CEP170: variants seen among roughly 807,000 people sequenced by gnomAD.
The protein encoded by CEP170 is centrosomal protein of 170 kDa.
CEP170 carries 21 observed loss-of-function variants against 151.9 expected under a neutral mutation model. That is an observed-to-expected ratio of 0.14 (90% CI 0.10 to 0.20). The LOEUF is 0.20. Among genes scored for constraint, CEP170 ranks in the 10% least tolerant of loss-of-function variants. The probability of loss-of-function intolerance (pLI) is 1.00; values close to 1 mark genes in which losing one functional copy is unlikely to be tolerated. For synonymous variants in CEP170, 356 were observed against 648.8 expected (o/e 0.55, Z 6.86); for missense variants, 964 against 1,892.9 (o/e 0.51, Z 9.11).
At chr1:243,147,242 T>A (rs1296928274) in intron 14 of CEP170, among the ~76,000 whole-genome samples, 5 of 152,394 alleles carry the variant, frequency 3.3e-5, no homozygotes, top group Non-Finnish European at 5.9e-5. Context: ...CATTTTCCCC[T>A]GAAGCCTTTT....
chr1:243,147,667 A>G (rs1274383073), intron 14 of CEP170, among the ~76,000 whole-genome samples: 3 of 152,226 alleles, frequency 2.0e-5, no homozygotes, highest in Non-Finnish European at 4.4e-5. Flanking sequence ...GGATGACTGT[A>G]TCTTATACAG....
At chr1:243,141,015 C>T (rs1475972041) in intron 15 of CEP170, among the ~76,000 whole-genome samples, 1 of 152,032 alleles carries the variant, frequency 6.6e-6, no homozygotes, top group Non-Finnish European at 1.5e-5. Context: ...AAACTCTACA[C>T]AGATTGATGA....
intron 3 of CEP170, among the ~76,000 whole-genome samples, chr1:243,214,227 C>G (rs998632163): frequency 1.4e-5 from 2 of 146,938 alleles, no homozygotes; most frequent in Non-Finnish European, 1.5e-5. Context: ...GTGTTTTGCA[C>G]TTTATGGAGG....
At position 243,145,202 on chromosome 1, in the gene CEP170, A is replaced by G. The variant is rs538340782; in HGVS notation, c.3912-2739T>C. Among the ~76,000 whole-genome samples the G allele has an allele frequency of 2.6e-3, 389 of 152,364 alleles. 1 individual carries two copies. The highest frequency in any genetic ancestry group is 8.8e-3 in the African/African-American group (366 of 41,586). Reference sequence around the variant, plus strand: ...GATTATATATTATTACAACTATAGTAGAAACAAACTATCAGACTTCATTGA... The same window carrying G: ...GATTATATATTATTACAACTATAGTGGAAACAAACTATCAGACTTCATTGA... On this transcript the variant is annotated intron_variant, in intron 14 of 19. Coordinates refer to ENST00000366542, the MANE Select transcript of CEP170 (RefSeq NM_014812.3).
intron 7 of CEP170, 57 bp from the exon 8 acceptor site, chr1:243,191,551 G>A: frequency 7.1e-7 from 1 of 1,405,890 alleles, no homozygotes. Flanking sequence ...GCACTTGAGG[G>A]AGTCTGGTAA....
chr1:243,221,624 TAAAGAA>T lies in CEP170; in HGVS notation c.195+94_195+99del, dbSNP rs890900488. On this transcript the variant is annotated intron_variant, in intron 3 of 19. Transcript: ENST00000366542. ...AAGCATTTGAAAATAACATACAAAGTAAAGAAAAAGAAAATGTAGCTAGGAAATGTA... is the reference window on the plus strand; with the variant it reads ...AAGCATTTGAAAATAACATACAAAGTAAAGAAAATGTAGCTAGGAAATGTA... 74 of 1,219,892 alleles carry T rather than the reference TAAAGAA, an allele frequency of 6.1e-5. 1 individual carries two copies. In the African/African-American group the frequency reaches 9.1e-4, roughly 15 times the overall value. The allele number at this position is 1,219,892 out of a possible 1,614,324, so 75.6% of individuals were successfully genotyped here.
chr1:243,186,997 A>C (rs181388228), intron 8 of CEP170, among the ~76,000 whole-genome samples: 2 of 152,026 alleles, frequency 1.3e-5, no homozygotes, highest in African/African-American at 4.8e-5. Flanking sequence ...TTATTGCAAA[A>C]TTTTTTCCAC....
intron 1 of CEP170, among the ~76,000 whole-genome samples, chr1:243,242,942 C>G (rs1245875266): frequency 1.3e-5 from 2 of 151,950 alleles, no homozygotes; most frequent in Non-Finnish European, 2.9e-5. Flanking sequence ...TCCGGTGATT[C>G]ACCTGCCTCG....
intron 16 of CEP170, among the ~76,000 whole-genome samples, chr1:243,138,793 T>G (rs2055444437): frequency 6.6e-6 from 1 of 152,134 alleles, no homozygotes; most frequent in African/African-American, 2.4e-5. Context: ...TAACTTCTAC[T>G]GTCAATGGGA....
In CEP170 at chr1:243,156,372, G is replaced by A; in HGVS notation, c.3760C>T (p.His1254Tyr). Reference sequence around the variant, plus strand: ...GCTGGAGAAGTACGTAGACGGGTATGTTTAGGGGAATTACGGTTTGATCCA... The same window carrying A: ...GCTGGAGAAGTACGTAGACGGGTATATTTAGGGGAATTACGGTTTGATCCA... ...EFGSNRNSPK[H>Y]TRLRTSPALK... The change falls in exon 14 of 20, where the codon CAT (histidine) becomes TAT (tyrosine). Residue 1254 changes from histidine to tyrosine, a missense_variant. Physicochemically the swap from His to Tyr is moderately conservative, Grantham distance 83. Transcript: ENST00000366542. The A allele has an allele frequency of 6.4e-7, 1 of 1,569,672 alleles. No individual in the cohort carries two copies. Among genetic ancestry groups the A allele is most frequent in the Non-Finnish European group, 8.6e-7 (1 of 1,157,010 alleles).
At chr1:243,137,831 G>A (rs2055312014) in intron 16 of CEP170, among the ~76,000 whole-genome samples, 1 of 151,564 alleles carries the variant, frequency 6.6e-6, no homozygotes, top group Admixed American at 6.6e-5. Flanking sequence ...TTGATGAGTG[G>A]CATAAATAAG....
chr1:243,160,679 C>T (rs564809352), intron 13 of CEP170, among the ~76,000 whole-genome samples: 3 of 152,120 alleles, frequency 2.0e-5, no homozygotes, highest in Non-Finnish European at 4.4e-5. Context: ...TTACCACAAA[C>T]ATGTTTTGAA....
intron 10 of CEP170, among the ~76,000 whole-genome samples, chr1:243,176,262 C>T (rs1385815468): frequency 4.0e-5 from 6 of 151,884 alleles, no homozygotes; most frequent in East Asian, 3.9e-4. Flanking sequence ...GATGAGACAC[C>T]TAATTTTTAT....
At chr1:243,170,630 C>T (rs2058769646) in intron 11 of CEP170, among the ~76,000 whole-genome samples, 1 of 152,030 alleles carries the variant, frequency 6.6e-6, no homozygotes, top group Non-Finnish European at 1.5e-5. Context: ...CTCGTCTCTA[C>T]GAAAAACACA....
intron 14 of CEP170, among the ~76,000 whole-genome samples, chr1:243,152,774 G>A (rs1248865803): frequency 6.7e-5 from 10 of 148,384 alleles, no homozygotes; most frequent in East Asian, 4.1e-4. Flanking sequence ...CTCGTGATCT[G>A]CCTGCCTCGG....
chr1:243,243,842 A>C (rs2065099450), intron 1 of CEP170, among the ~76,000 whole-genome samples: 1 of 152,094 alleles, frequency 6.6e-6, no homozygotes, highest in Non-Finnish European at 1.5e-5. Flanking sequence ...CCTCTTTAAA[A>C]GTAGACACCA....
At chr1:243,233,096 T>G (rs568088209) in intron 1 of CEP170, among the ~76,000 whole-genome samples, 1 of 152,196 alleles carries the variant, frequency 6.6e-6, no homozygotes, top group African/African-American at 2.4e-5. Context: ...GTTGTCTCTT[T>G]CTTATTCTTT....
rs765076405 is a variant in CEP170 at position 243,199,070 on chromosome 1, A to G, written c.621T>C (p.Ala207=). The G allele has an allele frequency of 4.3e-5, 70 of 1,610,402 alleles. No homozygotes were observed. The highest frequency in any genetic ancestry group is 5.7e-5 in the Non-Finnish European group (67 of 1,178,188). ...NGKPEEKNHE[A]GTSGCGIDAK... ...CTGAGATTTTTTTACCTGATGTTCC[A>G]GCTTCATGGTTTTTTTCTTCAGGTT... is the stretch of plus-strand genomic sequence containing the variant. The change falls in exon 7 of 20, where the codon GCT becomes GCC. Residue 207 remains alanine (A), a synonymous_variant. Coordinates refer to ENST00000366542, the MANE Select transcript of CEP170 (RefSeq NM_014812.3).
intron 13 of CEP170, among the ~76,000 whole-genome samples, chr1:243,160,805 T>C (rs2058003782): frequency 6.6e-6 from 1 of 152,174 alleles, no homozygotes; most frequent in Non-Finnish European, 1.5e-5. Flanking sequence ...ATGTCTAACA[T>C]TTAATTTCTA....
Sources: gnomAD v4.1 joint callset for allele counts (sites outside exome capture counted in the v4.1 genomes callset) on GRCh38, gnomAD v4.1.1 for gene constraint, MANE v1.5 for transcripts, NCBI Gene and HGNC (gene_info 2026-07-23, HGNC 2026-07-21) for gene names.